The following TADA1 variants were observed in gnomAD, a reference collection of about 807,000 sequenced individuals.
The protein encoded by TADA1 is transcriptional adaptor 1.
TADA1 carries 23 observed loss-of-function variants against 39.3 expected under a neutral mutation model. The observed-to-expected ratio is 0.58, with a 90% CI of 0.42 to 0.83. The LOEUF is 0.83. Ranked by LOEUF, TADA1 falls within the 40% of genes least tolerant of loss-of-function variation. TADA1 has a pLI of 0.00. For synonymous variants in TADA1, 137 were observed against 151.8 expected (o/e 0.90, Z 0.72); for missense variants, 352 against 408.1 (o/e 0.86, Z 1.18).
chr1:166,868,768 G>A (rs994571342), intron 3 of TADA1: 2 of 152,760 alleles, frequency 1.3e-5, no homozygotes, highest in African/African-American at 4.8e-5. Context: ...TTCCCCCATT[G>A]AGCAAACTGG....
In TADA1 at chr1:166,869,524, GAT is replaced by G. The variant is rs1161686889; in HGVS notation, c.167-16_167-15del. The G allele has an allele frequency of 1.2e-6, 2 of 1,612,164 alleles. No individual in the cohort carries two copies. The highest frequency in any genetic ancestry group is 1.7e-6 in the Non-Finnish European group (2 of 1,178,900). On this transcript the variant is annotated splice_polypyrimidine_tract_variant and intron_variant, in intron 2 of 7. Transcript: ENST00000367874. ...TGTGAGAATGGACTGAAAAAGGAAAGATAGTGACAATCAAATTCAAAACATTT... is the reference window on the plus strand; with the variant it reads ...TGTGAGAATGGACTGAAAAAGGAAAGAGTGACAATCAAATTCAAAACATTT...
chr1:166,857,941 T>C (rs1571235922), intron 7 of TADA1, among the ~76,000 whole-genome samples, 178 bp downstream of exon 7: 1 of 152,226 alleles, frequency 6.6e-6, no homozygotes, highest in East Asian at 1.9e-4. Flanking sequence ...ATTGGGGAGA[T>C]AGAAGATGGG....
chr1:166,867,587 T>G, intron 3 of TADA1, among the ~76,000 whole-genome samples: 1 of 141,530 alleles, frequency 7.1e-6, no homozygotes, highest in African/African-American at 2.7e-5. Context: ...TTATGTGAAT[T>G]TTTTTTTTTT....
chr1:166,872,947 AC>A (rs1461535954), intron 1 of TADA1, among the ~76,000 whole-genome samples: 1 of 152,230 alleles, frequency 6.6e-6, no homozygotes, highest in African/African-American at 2.4e-5. Context: ...ATTACGAAGC[AC>A]TGGATATACC....
chr1:166,857,265 ATCTT>A lies in TADA1; in HGVS notation c.*298_*301del. The A allele has an allele frequency of 3.5e-6, 1 of 288,274 alleles. No individual in the cohort carries two copies. Among genetic ancestry groups the A allele is most frequent in the Admixed American group, 4.7e-5 (1 of 21,138 alleles). The allele number at this position is 288,274 out of a possible 1,614,324, so 17.9% of individuals were successfully genotyped here. On this transcript the variant is annotated 3_prime_UTR_variant, in exon 8 of 8. Coordinates refer to ENST00000367874, the MANE Select transcript of TADA1 (RefSeq NM_053053.4). ...GCTTCTTTGTTCTAGGATGTCATCTATCTTACATGCAGACCACAGGACACTAAGC... is the reference window on the plus strand; with the variant it reads ...GCTTCTTTGTTCTAGGATGTCATCTAACATGCAGACCACAGGACACTAAGC...
In TADA1 at chr1:166,875,969, C is replaced by T. The variant is rs938440450; in HGVS notation, c.74+191G>A. Among the ~76,000 whole-genome samples the T allele has an allele frequency of 1.3e-5, 2 of 152,196 alleles. 1 individual carries two copies. The highest frequency in any genetic ancestry group is 1.3e-4 in the Admixed American group (2 of 15,292). On this transcript the variant is annotated intron_variant, in intron 1 of 7. Coordinates refer to ENST00000367874, the MANE Select transcript of TADA1 (RefSeq NM_053053.4). ...ATGTCTCCCGGGCGCCCAGGAGGCC[C>T]GGTCTCTCCAGGGCGGTGAGTTCAG...
intron 3 of TADA1, among the ~76,000 whole-genome samples, chr1:166,867,014 G>A (rs1431169749): frequency 1.3e-5 from 2 of 151,948 alleles, no homozygotes; most frequent in Admixed American, 1.3e-4. Context: ...CAAAGCGCTG[G>A]GATTACAGAC....
At chr1:166,860,058 T>C in intron 6 of TADA1, 128 bp downstream of exon 6, 1 of 902,562 alleles carries the variant, frequency 1.1e-6, no homozygotes, top group Non-Finnish European at 1.6e-6. Context: ...CTTTAAAAAA[T>C]AAAATTGTAC....
chr1:166,865,927 G>A lies in TADA1; in HGVS notation c.233-2006C>T, dbSNP rs913502941. The stretch of plus-strand genomic sequence containing the variant: ...ATTTTTGGAAAGAAACGTTTTTAAC[G>A]CTTTGAAAAAAAAAATATTCCAGAT... On this transcript the variant is annotated intron_variant, in intron 3 of 7. Transcript: ENST00000367874. 3.1e-4 allele frequency among the ~76,000 whole-genome samples: 39 copies of A among 124,804 alleles called. 1 individual carries two copies. The highest frequency in any genetic ancestry group is 1.1e-3 in the African/African-American group (38 of 34,340). The allele number at this position is 124,804 out of a possible 152,430, so 81.9% of individuals were successfully genotyped here. A position where few individuals can be genotyped will look rare whatever the true frequency, so the allele number is the denominator to read the frequency against.
At position 166,870,331 on chromosome 1, in the gene TADA1, T is replaced by G. The variant is rs1448174911; in HGVS notation, c.75-477A>C. 4.6e-5 allele frequency among the ~76,000 whole-genome samples: 7 copies of G among 152,336 alleles called. 1 individual carries two copies. In the South Asian group the frequency reaches 1.0e-3, roughly 23 times the overall value. On this transcript the variant is annotated intron_variant, in intron 1 of 7. Transcript: ENST00000367874. ...AGATACATTCACAAAGAAATAACCA[T>G]GTGAACACACAACAAGAAGGCTGTC...
At chr1:166,863,718 TCAAC>T in intron 4 of TADA1, 102 bp downstream of exon 4, 5 of 1,025,412 alleles carry the variant, frequency 4.9e-6, no homozygotes, top group Admixed American at 2.3e-5. Flanking sequence ...CTCCTTTTTT[TCAAC>T]TCTACTACCA....
At chr1:166,862,088 A>G in intron 5 of TADA1, 115 bp downstream of exon 5, 1 of 1,053,046 alleles carries the variant, frequency 9.5e-7, no homozygotes, top group Non-Finnish European at 1.4e-6. Context: ...CAACAATGAC[A>G]ATTCTGTGAA....
intron 1 of TADA1, among the ~76,000 whole-genome samples, chr1:166,871,862 C>A (rs1658668254): frequency 6.6e-6 from 1 of 152,106 alleles, no homozygotes; most frequent in Non-Finnish European, 1.5e-5. Flanking sequence ...AAAATAGTAA[C>A]CTGGAGAAAA....
intron 1 of TADA1, among the ~76,000 whole-genome samples, chr1:166,872,576 A>T (rs549822819): frequency 6.6e-6 from 1 of 152,152 alleles, no homozygotes; most frequent in South Asian, 2.1e-4. Context: ...GGAGACTGAG[A>T]CGGGAGAATC....
chr1:166,860,246 T>C lies in TADA1; in HGVS notation c.632A>G (p.Asn211Ser), dbSNP rs375071686. ...CTTCAGGTATGGCTGCGGGGTCACG[T>C]TACTGCCAAAGGCATATTTAAAATG... ...DGHFKYAFGSNVTPQPYLKNS... is the reference protein window; with the variant it reads ...DGHFKYAFGSSVTPQPYLKNS... Residue 211 changes from asparagine (N) to serine (S), a missense_variant, in exon 6 of 8, where the codon AAC becomes AGC. Asn to Ser is a conservative substitution (Grantham distance 46). Around this residue, in one of 3 missense-constraint regions of TADA1, gnomAD observed 285 missense variants for 310.9 expected, o/e 0.92. Coordinates refer to ENST00000367874, the MANE Select transcript of TADA1 (RefSeq NM_053053.4). 2.8e-4 allele frequency: 453 copies of C among 1,614,022 alleles called. No homozygotes were observed. The highest frequency in any genetic ancestry group is 3.7e-4 in the Non-Finnish European group (438 of 1,180,008).
intron 1 of TADA1, among the ~76,000 whole-genome samples, chr1:166,870,550 C>T (rs763104210): frequency 6.6e-6 from 1 of 152,164 alleles, no homozygotes; most frequent in East Asian, 1.9e-4. Flanking sequence ...GGGGACTCGC[C>T]GGTACGGTGG....
intron 6 of TADA1, among the ~76,000 whole-genome samples, chr1:166,859,772 ACTCCTC>A (rs71810076): frequency 6.7e-6 from 1 of 150,222 alleles, no homozygotes; most frequent in Non-Finnish European, 1.5e-5. Flanking sequence ...AACATCTACC[ACTCCTC>A]CTCCTCCTCC....
intron 6 of TADA1, 116 bp from the exon 7 acceptor site, chr1:166,858,397 A>G: frequency 2.8e-6 from 2 of 719,768 alleles, no homozygotes; most frequent in Non-Finnish European, 4.3e-6. Flanking sequence ...AAATCCATTC[A>G]ATGTCTACTC....
rs769329960 is a variant in TADA1 at position 166,857,581 on chromosome 1, G to A, written c.994C>T (p.Leu332Phe). 8.7e-6 allele frequency: 14 copies of A among 1,614,048 alleles called. No individual in the cohort carries two copies. The highest frequency in any genetic ancestry group is 1.1e-5 in the Non-Finnish European group (13 of 1,179,994). The change falls in exon 8 of 8, where the codon CTT becomes TTT. Residue 332 changes from leucine to phenylalanine, a missense_variant. Physicochemically the swap from Leu to Phe is conservative, Grantham distance 22 (BLOSUM62 0). Around this residue, in one of 3 missense-constraint regions of TADA1, gnomAD observed 285 missense variants for 310.9 expected, o/e 0.92. Transcript: ENST00000367874. ...HRQRLAAKEGLLLC is the reference protein window; with the variant it reads ...HRQRLAAKEGFLLC ...CAAATCCTAATTTAGCACAGCAAAAGCCCCTCCTTGGCTGCCAAGCGCTGG... is the reference window on the plus strand; with the variant it reads ...CAAATCCTAATTTAGCACAGCAAAAACCCCTCCTTGGCTGCCAAGCGCTGG...
Sources: gnomAD v4.1 joint callset for allele counts (sites outside exome capture counted in the v4.1 genomes callset) on GRCh38, gnomAD v4.1.1 for gene constraint, gnomAD v4.1.1 regional missense constraint, MANE v1.5 for transcripts, NCBI Gene and HGNC (gene_info 2026-07-23, HGNC 2026-07-21) for gene names.